Variants in ECD observed in about 807,000 individuals in gnomAD.
ECD encodes ecdysoneless cell cycle regulator, also known as protein ecdysoneless homolog.
A neutral mutation model predicts 77.2 loss-of-function variants in ECD; 59 were observed. The observed-to-expected ratio is 0.76, with a 90% CI of 0.62 to 0.95. The LOEUF is 0.95. ECD is among the 40% of genes least tolerant of loss of function. The probability of loss-of-function intolerance (pLI) is 0.00; values close to 1 mark genes in which losing one functional copy is unlikely to be tolerated. For synonymous variants in ECD, 233 were observed against 267.4 expected (o/e 0.87, Z 1.26); for missense variants, 704 against 763.4 (o/e 0.92, Z 0.92).
At chr10:73,138,118 C>T (rs951609290) in intron 11 of ECD, 48 bp from the exon 12 acceptor site, 20 of 1,393,456 alleles carry the variant, frequency 1.4e-5, no homozygotes, top group Non-Finnish European at 1.9e-5. Context: ...AAATACAACT[C>T]TTTGAAACTT....
At chr10:73,151,025 G>A (rs7902342) in intron 7 of ECD, among the ~76,000 whole-genome samples, 7,094 of 152,024 alleles carry the variant, frequency 0.047, 512 homozygotes, top group African/African-American at 0.16. Flanking sequence ...CCCATTACTG[G>A]GTATATGCCC....
intron 9 of ECD, among the ~76,000 whole-genome samples, chr10:73,143,016 C>T (rs964873163): frequency 6.6e-6 from 1 of 152,050 alleles, no homozygotes; most frequent in Admixed American, 6.6e-5. Context: ...TAATGGCTTG[C>T]GGTCTTTCTC....
chr10:73,155,971 T>C (rs934301206), intron 5 of ECD, among the ~76,000 whole-genome samples: 6 of 152,108 alleles, frequency 3.9e-5, no homozygotes, highest in African/African-American at 1.4e-4. Flanking sequence ...TTAGCCACAA[T>C]ATCTAAGGTA....
At chr10:73,145,930 A>G (rs1589684010) in intron 9 of ECD, among the ~76,000 whole-genome samples, 1 of 152,008 alleles carries the variant, frequency 6.6e-6, no homozygotes, top group Admixed American at 6.6e-5. Context: ...GGCGTGAGCC[A>G]CCGCGCCTGG....
At chr10:73,160,839 A>T (rs1843365959) in intron 2 of ECD, among the ~76,000 whole-genome samples, 1 of 152,202 alleles carries the variant, frequency 6.6e-6, no homozygotes, top group Admixed American at 6.5e-5. Context: ...GAGGAATGAC[A>T]AGAGGTGAGC....
chr10:73,154,475 A>G (rs946113401), intron 5 of ECD, 27 bp from the exon 6 acceptor site: 4 of 1,571,548 alleles, frequency 2.5e-6, no homozygotes, highest in Non-Finnish European at 3.4e-6. Flanking sequence ...AATTACTTTC[A>G]TTTTACAGTA....
In ECD at chr10:73,154,440, T is replaced by C. The variant is rs1489284479; in HGVS notation, c.599A>G (p.Glu200Gly). 1 of 1,608,544 alleles carries C rather than the reference T, an allele frequency of 6.2e-7. No individual in the cohort carries two copies. The highest frequency in any genetic ancestry group is 1.1e-5 in the South Asian group (1 of 90,272). The change falls in exon 6 of 14, where the codon GAA becomes GGA. Residue 200 changes from glutamate to glycine, a missense_variant. Transcript: ENST00000372979. ...TCGATGAAGTGAGGCCTGAATTTTTTCTGGGTACCTGGGACAGGTAACATA... is the reference window on the plus strand; with the variant it reads ...TCGATGAAGTGAGGCCTGAATTTTTCCTGGGTACCTGGGACAGGTAACATA... ...AVNRRIRGYP[E>G]KIQASLHRAH...
intron 11 of ECD, 91 bp from the exon 12 acceptor site, chr10:73,138,161 C>T (rs1843002422): frequency 1.0e-6 from 1 of 965,426 alleles, no homozygotes; most frequent in Non-Finnish European, 1.4e-6. Flanking sequence ...GGAAAGCTAC[C>T]AAAGATAGAA....
Position 73,134,791 on chromosome 10 carries a change from T to A in ECD, c.1727A>T (p.Asp576Val). ...AGAATCTTCCTCATCTGAATTGTTA[T>A]CGGTAGTCTGGGATACAGGTTCCTT... ...NQVEPVSQTTDNNSDEEDSGT... is the reference protein window; with the variant it reads ...NQVEPVSQTTVNNSDEEDSGT... The change falls in exon 14 of 14, where the codon GAT becomes GTT. Residue 576 changes from aspartate to valine, a missense_variant. Coordinates refer to ENST00000372979, the MANE Select transcript of ECD (RefSeq NM_007265.3). 2 of 1,614,156 alleles carry A rather than the reference T, an allele frequency of 1.2e-6. No individual in the cohort carries two copies. Among genetic ancestry groups the A allele is most frequent in the Non-Finnish European group, 1.7e-6 (2 of 1,180,024 alleles).
intron 3 of ECD, among the ~76,000 whole-genome samples, chr10:73,158,719 G>C (rs1439582425): frequency 6.6e-6 from 1 of 151,930 alleles, no homozygotes; most frequent in Non-Finnish European, 1.5e-5. Context: ...CTGGGCAAGA[G>C]AGTGAGAGCC....
intron 3 of ECD, 27 bp from the exon 4 acceptor site, chr10:73,156,682 C>T: frequency 6.2e-7 from 1 of 1,601,718 alleles, no homozygotes; most frequent in Non-Finnish European, 8.5e-7. Flanking sequence ...TCCAATTTTG[C>T]ATTCAAAAAG....
chr10:73,134,654 A>G lies in ECD; in HGVS notation c.1864T>C (p.Leu622=), dbSNP rs150657771. Residue 622 remains leucine (L), a synonymous_variant, in exon 14 of 14, where the codon TTA becomes CTA. Transcript: ENST00000372979. ...AGLAGPASNL[L]QSMGVQLPDN... is the part of the protein sequence containing the mutation. ...GGCAGCTGCACTCCCATGCTTTGTA[A>G]AAGATTGGAAGCAGGTCCTGCCAGT... The G allele has an allele frequency of 1.9e-5, 30 of 1,614,074 alleles. No individual in the cohort carries two copies. The highest frequency in any genetic ancestry group is 3.3e-5 in the Admixed American group (2 of 60,002).
chr10:73,139,292 A>G lies in ECD; in HGVS notation c.1421+17T>C. 2.5e-6 allele frequency: 4 copies of G among 1,586,348 alleles called. No homozygotes were observed. The highest frequency in any genetic ancestry group is 2.3e-5 in the South Asian group (2 of 86,136). ...GGGTTCTAGCTATTTATATATTTAT[A>G]CTTTAACACAAATTACCGAGGCAGC... On this transcript the variant is annotated intron_variant, in intron 11 of 13. Coordinates refer to ENST00000372979, the MANE Select transcript of ECD (RefSeq NM_007265.3).
At chr10:73,138,248 C>T (rs1843003197) in intron 11 of ECD, among the ~76,000 whole-genome samples, 178 bp from the exon 12 acceptor site, 1 of 152,168 alleles carries the variant, frequency 6.6e-6, no homozygotes, top group Non-Finnish European at 1.5e-5. Context: ...TGCAGGACAA[C>T]AGAAATGGGA....
upstream of ECD, chr10:73,168,084 C>T: frequency 1.9e-6 from 1 of 526,802 alleles, no homozygotes. Context: ...TGTGCGTCGG[C>T]GGGAGCATTT....
At position 73,139,316 on chromosome 10, in the gene ECD, G is replaced by T. The variant is rs958559470; in HGVS notation, c.1414C>A (p.Leu472Met). The change falls in exon 11 of 14, where the codon CTG (leucine) becomes ATG (methionine). Residue 472 changes from leucine to methionine, a missense_variant. Leu to Met is a conservative substitution (Grantham distance 15). Transcript: ENST00000372979. ...TACTTTAACACAAATTACCGAGGCA[G>T]CTCTGCTCCCTTGTGGGTTGAGACT... ...SKVSTHKGAE[L>M]PREPSEAPIT... is the part of the protein sequence containing the mutation. The T allele has an allele frequency of 2.5e-6, 4 of 1,611,228 alleles. No homozygotes were observed. Among genetic ancestry groups the T allele is most frequent in the Non-Finnish European group, 3.4e-6 (4 of 1,179,360 alleles).
chr10:73,149,916 A>T (rs1843181055), intron 7 of ECD, among the ~76,000 whole-genome samples: 1 of 152,336 alleles, frequency 6.6e-6, no homozygotes, highest in East Asian at 1.9e-4. Context: ...ATTTTGAGGA[A>T]GAATCAATAT....
intron 7 of ECD, among the ~76,000 whole-genome samples, chr10:73,151,997 C>T (rs562689942): frequency 6.6e-6 from 1 of 151,824 alleles, no homozygotes; most frequent in East Asian, 1.9e-4. Flanking sequence ...ATAAAAGGTT[C>T]TTGGTTTTTT....
At chr10:73,143,832 C>CTTTTTT (rs541608935) in intron 9 of ECD, among the ~76,000 whole-genome samples, 2 of 106,750 alleles carry the variant, frequency 1.9e-5, no homozygotes, top group East Asian at 2.7e-4. Flanking sequence ...TTATAACTTG[C>CTTTTTT]TTTTTTTTTT....
Sources: allele counts gnomAD v4.1 joint callset (sites outside exome capture counted in the v4.1 genomes callset), GRCh38; gene constraint gnomAD v4.1.1; transcripts MANE v1.5; gene names NCBI Gene and HGNC (gene_info 2026-07-23, HGNC 2026-07-21).